Variants in SLC66A3 observed in about 807,000 individuals in gnomAD.
The protein encoded by SLC66A3 is solute carrier family 66 member 3.
Under a neutral mutation model 25.5 loss-of-function variants are expected in SLC66A3, and 23 were observed. The ratio of observed to expected loss-of-function variants is 0.90; its 90% CI spans 0.65 to 1.28. SLC66A3 has a LOEUF of 1.28. Among genes scored for constraint, SLC66A3 ranks in the 50% most tolerant of loss-of-function variants. The probability of loss-of-function intolerance (pLI) is 0.00; values close to 1 mark genes in which losing one functional copy is unlikely to be tolerated. For synonymous variants in SLC66A3, 108 were observed against 112.6 expected (o/e 0.96, Z 0.26); for missense variants, 246 against 262.1 (o/e 0.94, Z 0.42).
chr2:11,160,704 C>A lies in SLC66A3; in HGVS notation c.296+10C>A. On this transcript the variant is annotated intron_variant, in intron 3 of 6. Transcript: ENST00000295083. Reference sequence around the variant, plus strand: ...CTCCTTACATCGCTGTGTATCCTTTCTGAATCTGAGCCAGAAGTGGGAACG... The same window carrying A: ...CTCCTTACATCGCTGTGTATCCTTTATGAATCTGAGCCAGAAGTGGGAACG... 6.2e-7 allele frequency: 1 copy of A among 1,613,426 alleles called. No individual in the cohort carries two copies.
chr2:11,160,627 G>A lies in SLC66A3; in HGVS notation c.229G>A (p.Val77Ile). ...LEYPILIAQD[V>I]ILLLCIFHFN... is the part of the protein sequence containing the mutation. The stretch of plus-strand genomic sequence containing the variant: ...CACTCGGAGCCTCTCTCTTTCAGAT[G>A]TCATCCTCCTGCTCTGTATCTTTCA... The change falls in exon 3 of 7, where the codon GTC (valine) becomes ATC (isoleucine). Residue 77 changes from valine to isoleucine, a missense_variant and splice_region_variant. Transcript: ENST00000295083. 6.2e-7 allele frequency: 1 copy of A among 1,614,080 alleles called. No individual in the cohort carries two copies. Among genetic ancestry groups the A allele is most frequent in the South Asian group, 1.1e-5 (1 of 91,072 alleles).
In SLC66A3 at chr2:11,172,064, T is replaced by C; in HGVS notation, c.475+19T>C. On this transcript the variant is annotated intron_variant, in intron 5 of 6. Transcript: ENST00000295083. ...TGTGCAAGTAAGAACCGGACTCACA[T>C]GGTGGGGAGGCCTTTGGTAGCACCA... The C allele has an allele frequency of 1.9e-6, 3 of 1,612,912 alleles. No homozygotes were observed. Among genetic ancestry groups the C allele is most frequent in the Non-Finnish European group, 2.5e-6 (3 of 1,179,390 alleles).
chr2:11,174,645 C>T lies in SLC66A3; in HGVS notation c.476-323C>T, dbSNP rs1662672368. ...CTGAGTAGCTGGGATTACAGGCGCC[C>T]GCCACTACACCTGGCTAATTTTTGT... On this transcript the variant is annotated intron_variant, in intron 5 of 6. Coordinates refer to ENST00000295083, the MANE Select transcript of SLC66A3 (RefSeq NM_152391.5). Among the ~76,000 whole-genome samples the T allele has an allele frequency of 3.9e-5, 6 of 152,060 alleles. 1 individual carries two copies. In the East Asian group the frequency reaches 7.8e-4, roughly 20 times the overall value.
intron 4 of SLC66A3, among the ~76,000 whole-genome samples, chr2:11,166,003 G>A (rs1460350095): frequency 1.3e-5 from 2 of 152,208 alleles, no homozygotes; most frequent in African/African-American, 2.4e-5. Flanking sequence ...GAGGGAGACC[G>A]TGGAAAGAGA....
At chr2:11,165,822 C>T (rs955363835) in intron 4 of SLC66A3, among the ~76,000 whole-genome samples, 28 of 151,776 alleles carry the variant, frequency 1.8e-4, no homozygotes, top group Non-Finnish European at 3.5e-4. Context: ...GAGACCAGCC[C>T]GGCCAACACA....
At chr2:11,160,445 C>T (rs1282847919) in intron 1 of SLC66A3, 21 bp from the exon 2 acceptor site, 6 of 1,610,730 alleles carry the variant, frequency 3.7e-6, no homozygotes, top group Non-Finnish European at 5.1e-6. Flanking sequence ...GCCGTGTGGA[C>T]ATGTGCCCTT....
intron 4 of SLC66A3, among the ~76,000 whole-genome samples, chr2:11,165,779 C>A (rs1446269657): frequency 6.6e-6 from 1 of 151,366 alleles, no homozygotes; most frequent in Non-Finnish European, 1.5e-5. Flanking sequence ...CTCGGGAGGC[C>A]GAGGCTGGCA....
At chr2:11,156,396 C>T (rs531823006) in intron 1 of SLC66A3, among the ~76,000 whole-genome samples, 1 of 152,236 alleles carries the variant, frequency 6.6e-6, no homozygotes, top group South Asian at 2.1e-4. Context: ...TTTTTGAGCC[C>T]CAACAATAGG....
At chr2:11,165,163 A>AC (rs1017387077) in intron 4 of SLC66A3, among the ~76,000 whole-genome samples, 26 of 144,920 alleles carry the variant, frequency 1.8e-4, no homozygotes, top group Admixed American at 4.8e-4. Context: ...GCGGGGGCTG[A>AC]CCCCCCACCT....
rs926449326 is a variant in SLC66A3 at position 11,160,676 on chromosome 2, C to A, written c.278C>A (p.Ala93Asp). 16 of 1,613,968 alleles carry A rather than the reference C, an allele frequency of 9.9e-6. No homozygotes were observed. Among genetic ancestry groups the A allele is most frequent in the Non-Finnish European group, 1.4e-5 (16 of 1,179,962 alleles). The change falls in exon 3 of 7, where the codon GCC (alanine) becomes GAC (aspartate). Residue 93 changes from alanine (A) to aspartate (D), a missense_variant. Around this residue, in one of 3 missense-constraint regions of SLC66A3, gnomAD observed 142 missense variants for 130.3 expected, o/e 1.09. Coordinates refer to ENST00000295083, the MANE Select transcript of SLC66A3 (RefSeq NM_152391.5). ...IFHFNGNVKQ[A>D]TPYIAVLVSS... ...CATTTTAACGGGAACGTGAAGCAGG[C>A]CACTCCTTACATCGCTGTGTATCCT... is the stretch of plus-strand genomic sequence containing the variant.
At position 11,155,568 on chromosome 2, in the gene SLC66A3, C is replaced by A. The variant is rs372049512; in HGVS notation, c.22C>A (p.Leu8Met). Residue 8 changes from leucine (L) to methionine (M), a missense_variant, in exon 1 of 7, where the codon CTG becomes ATG. This residue lies in a region of SLC66A3 where 142 missense variants were observed against 130.3 expected (regional missense o/e 1.09). Transcript: ENST00000295083. Reference protein sequence around the residue: MEAALLGLCNWSTLGVCA... With the variant: MEAALLGMCNWSTLGVCA... Reference sequence around the variant, plus strand: ...CGCTATGGAGGCGGCGCTGCTGGGGCTGTGTAACTGGAGCACGCTGGGCGT... The same window carrying A: ...CGCTATGGAGGCGGCGCTGCTGGGGATGTGTAACTGGAGCACGCTGGGCGT... The A allele has an allele frequency of 1.3e-4, 193 of 1,511,072 alleles. No individual in the cohort carries two copies. The East Asian group carries it at 2.3e-3, about 18-fold the overall frequency. 93.6% of individuals were successfully genotyped at this position (1,511,072 alleles called of 1,614,324 possible).
rs1411519619 is a variant in SLC66A3 at position 11,172,053 on chromosome 2, C to T, written c.475+8C>T. The T allele has an allele frequency of 6.2e-7, 1 of 1,613,642 alleles. No individual in the cohort carries two copies. Among genetic ancestry groups the T allele is most frequent in the Non-Finnish European group, 8.5e-7 (1 of 1,179,728 alleles). ...CTTCCTATACCTGTGCAAGTAAGAA[C>T]CGGACTCACATGGTGGGGAGGCCTT... On this transcript the variant is annotated splice_region_variant and intron_variant, in intron 5 of 6. Transcript: ENST00000295083.
At chr2:11,165,899 C>A (rs527481654) in intron 4 of SLC66A3, among the ~76,000 whole-genome samples, 3 of 151,676 alleles carry the variant, frequency 2.0e-5, no homozygotes, top group African/African-American at 7.3e-5. Flanking sequence ...GCCTGCAATC[C>A]CAGGCACTCG....
intron 4 of SLC66A3, among the ~76,000 whole-genome samples, chr2:11,170,475 A>C (rs1003317887): frequency 1.3e-5 from 2 of 152,190 alleles, no homozygotes; most frequent in Admixed American, 1.3e-4. Flanking sequence ...ACCACCACAC[A>C]GACTATCAGA....
intron 1 of SLC66A3, among the ~76,000 whole-genome samples, chr2:11,159,891 G>A (rs1401846923): frequency 6.6e-6 from 1 of 152,184 alleles, no homozygotes; most frequent in Non-Finnish European, 1.5e-5. Context: ...CGAAATTGAG[G>A]GTGGTTCTTC....
intron 6 of SLC66A3, 71 bp downstream of exon 6, chr2:11,175,080 C>A: frequency 2.5e-6 from 3 of 1,201,000 alleles, no homozygotes; most frequent in Non-Finnish European, 3.6e-6. Flanking sequence ...TGTAAACTGT[C>A]TTAGGGTTTA....
At chr2:11,162,692 C>T (rs1449240397) in intron 3 of SLC66A3, among the ~76,000 whole-genome samples, 2 of 152,196 alleles carry the variant, frequency 1.3e-5, no homozygotes, top group African/African-American at 2.4e-5. Flanking sequence ...CTGCAAGCTC[C>T]GCCTCCCGGG....
In SLC66A3 at chr2:11,177,852, G is replaced by A; in HGVS notation, c.*24G>A. ...GATGGATACATTATTCCTTCACACAGTGGATTTTGAGTAACTGAACCAAAG... is the reference window on the plus strand; with the variant it reads ...GATGGATACATTATTCCTTCACACAATGGATTTTGAGTAACTGAACCAAAG... On this transcript the variant is annotated 3_prime_UTR_variant, in exon 7 of 7. Transcript: ENST00000295083. 3 of 1,405,936 alleles carry A rather than the reference G, an allele frequency of 2.1e-6. No homozygotes were observed. Among genetic ancestry groups the A allele is most frequent in the Non-Finnish European group, 3.0e-6 (3 of 1,003,834 alleles). 87.1% of individuals were successfully genotyped at this position (1,405,936 alleles called of 1,614,324 possible).
rs1553289115 is a variant in SLC66A3 at position 11,164,346 on chromosome 2, T to TATATATATA, written c.354+85_354+86insATATATATA. On this transcript the variant is annotated intron_variant, in intron 4 of 6. Coordinates refer to ENST00000295083, the MANE Select transcript of SLC66A3 (RefSeq NM_152391.5). ...AGATATTTATATATATATATATATA[T>TATATATATA]TTTTTTTTTTTTGAAATGGAGTTTC... The TATATATATA allele has an allele frequency of 1.2e-4, 9 of 76,796 alleles. 1 individual carries two copies. Among genetic ancestry groups the TATATATATA allele is most frequent in the Middle Eastern group, 2.9e-3 (1 of 344 alleles). The allele number at this position is 76,796 out of a possible 1,614,324, so 4.8% of individuals were successfully genotyped here.
Sources: allele counts gnomAD v4.1 joint callset (sites outside exome capture counted in the v4.1 genomes callset), GRCh38; gene constraint gnomAD v4.1.1; regional missense constraint gnomAD v4.1.1; transcripts MANE v1.5; gene names NCBI Gene and HGNC (gene_info 2026-07-23, HGNC 2026-07-21).